The following SRP19 variants were observed in gnomAD, a reference collection of about 807,000 sequenced individuals.
SRP19 encodes the protein signal recognition particle 19, also known as signal recognition particle 19 kDa protein.
A neutral mutation model predicts 22.4 loss-of-function variants in SRP19; 11 were observed. The ratio of observed to expected loss-of-function variants is 0.49; its 90% CI spans 0.31 to 0.81. The LOEUF (loss-of-function observed/expected upper bound fraction) is 0.81, where lower values mean the gene tolerates loss of function less well. Among genes scored for constraint, SRP19 ranks in the 40% least tolerant of loss-of-function variants. The pLI, the probability that SRP19 is intolerant of heterozygous loss-of-function variation, is 0.05. For missense variants in SRP19, 168 were observed against 175.9 expected, an observed-to-expected ratio of 0.96 and a Z score of 0.25; for synonymous variants, 61 against 57.6, an observed-to-expected ratio of 1.06 and a Z score of -0.27.
At position 112,862,553 on chromosome 5, in the gene SRP19, C is replaced by A. The variant is rs747337679; in HGVS notation, c.87C>A (p.Ile29=). ...CTTATTTAAATAATAAGAAGACCAT[C>A]GCAGAGGGAAGGCGAATCCCCATAA... is the stretch of plus-strand genomic sequence containing the variant. ...YPAYLNNKKT[I]AEGRRIPISK... is the part of the protein sequence containing the mutation. Residue 29 remains isoleucine (I), a synonymous_variant, in exon 2 of 5, where the codon ATC becomes ATA. Transcript: ENST00000505459. The A allele has an allele frequency of 1.9e-6, 3 of 1,613,788 alleles. No homozygotes were observed. The African/African-American group carries it at 4.0e-5, about 22-fold the overall frequency.
chr5:112,872,792 T>C (rs112204165), downstream of SRP19, among the ~76,000 whole-genome samples: 35 of 152,332 alleles, frequency 2.3e-4, no homozygotes, highest in African/African-American at 8.4e-4. Context: ...TATTCCTCTT[T>C]TTTATGTTAC....
In SRP19 at chr5:112,868,944, A is replaced by G. The variant is rs111966770; in HGVS notation, c.*1407A>G. On this transcript the variant is annotated 3_prime_UTR_variant, in exon 5 of 5. Transcript: ENST00000505459. ...TCTGTTTTATAGTGAACATAATAGT[A>G]TAAGACTTAGTTTATATATTTGACT... The G allele has an allele frequency of 1.3e-5, 2 of 152,152 alleles. No individual in the cohort carries two copies. Among genetic ancestry groups the G allele is most frequent in the African/African-American group, 4.8e-5 (2 of 41,512 alleles). 9.4% of individuals were successfully genotyped at this position (152,152 alleles called of 1,614,324 possible). A position where few individuals can be genotyped will look rare whatever the true frequency, so the allele number is the denominator to read the frequency against.
rs551539844 is a variant in SRP19, at chr5:112,892,070, T to C, written c.*463T>C. On this transcript the variant is annotated 3_prime_UTR_variant, in exon 5 of 5. Transcript: ENST00000391338. ...GAAAAAGAGGAAGCTGTGCAGAAGA[T>C]GCTGGATCAGGCTGAAAATGATTTA... The C allele has an allele frequency of 6.9e-6, 11 of 1,590,742 alleles. No individual in the cohort carries two copies. The African/African-American group carries it at 8.0e-5, about 12-fold the overall frequency.
intron 4 of SRP19, chr5:112,865,133 C>G (rs1767547852): frequency 6.5e-6 from 1 of 154,494 alleles, no homozygotes; most frequent in African/African-American, 2.4e-5. Context: ...GCAATATTGA[C>G]TGAAAAAAGC....
chr5:112,885,117 G>T, intron 4 of SRP19: 1 of 163,108 alleles, frequency 6.1e-6, no homozygotes, highest in South Asian at 1.5e-4. Context: ...GCTTCTGTCT[G>T]GTCAGCCTGC....
intron 4 of SRP19, among the ~76,000 whole-genome samples, chr5:112,890,159 G>A (rs1768390795): frequency 6.7e-6 from 1 of 150,222 alleles, no homozygotes; most frequent in Admixed American, 6.6e-5. Context: ...GCCAGGCTTG[G>A]TGATGTATGC....
rs117894955 is a variant in SRP19 at position 112,869,771 on chromosome 5, G to A, written c.*2234G>A. On this transcript the variant is annotated 3_prime_UTR_variant, in exon 5 of 5. Transcript: ENST00000505459. ...TAAGTGCCTGGCGTTTCCCCTGCTT[G>A]CAGTCACTCCATCTTGCTGCCCTGT... is the stretch of plus-strand genomic sequence containing the variant. The A allele has an allele frequency of 1.3e-3, 203 of 152,308 alleles. 6 individuals are homozygous for A. In the East Asian group the frequency reaches 0.031, roughly 23 times the overall value. The allele number at this position is 152,308 out of a possible 1,614,324, so 9.4% of individuals were successfully genotyped here.
chr5:112,885,209 G>C (rs932514065), intron 4 of SRP19: 1 of 168,454 alleles, frequency 5.9e-6, no homozygotes, highest in Non-Finnish European at 1.3e-5. Context: ...TGAGTGCTGT[G>C]GGGGTGGGGA....
downstream of SRP19, chr5:112,893,565 C>G (rs184738074): frequency 6.5e-6 from 1 of 153,662 alleles, no homozygotes; most frequent in East Asian, 1.9e-4. Flanking sequence ...GACTCCAAAG[C>G]TTGTTTACTG....
At chr5:112,891,767 T>G (rs1561650454) in exon 5 of SRP19, 1 of 1,613,946 alleles carries the variant, frequency 6.2e-7, no homozygotes, top group Non-Finnish European at 8.5e-7. Context: ...CTTGCTCGAC[T>G]GAGAGACTCA....
intron 1 of SRP19, among the ~76,000 whole-genome samples, chr5:112,862,153 C>T (rs1014513082): frequency 6.6e-6 from 1 of 152,144 alleles, no homozygotes; most frequent in Non-Finnish European, 1.5e-5. Flanking sequence ...AAGTACACTC[C>T]ACAGGGTGGG....
intron 4 of SRP19, among the ~76,000 whole-genome samples, chr5:112,883,723 G>A (rs1025228434): frequency 2.0e-5 from 3 of 152,146 alleles, no homozygotes; most frequent in Middle Eastern, 3.4e-3. Context: ...AATCCTTGTA[G>A]GTATCTAACA....
intron 1 of SRP19, chr5:112,862,307 C>T: frequency 1.6e-6 from 1 of 622,574 alleles, no homozygotes. Flanking sequence ...AGGCCCGCGG[C>T]CAGTCTGATT....
chr5:112,867,630 G>A lies in SRP19; in HGVS notation c.*93G>A. On this transcript the variant is annotated 3_prime_UTR_variant, in exon 5 of 5. Transcript: ENST00000505459. ...GGAGGGAAACAGAAGCTTTTTGTTT[G>A]CATCATTTAACTGAACTGTGAACCC... 7.1e-7 allele frequency: 1 copy of A among 1,405,120 alleles called. No homozygotes were observed. The highest frequency in any genetic ancestry group is 1.8e-5 in the South Asian group (1 of 55,036). The allele number at this position is 1,405,120 out of a possible 1,614,324, so 87.0% of individuals were successfully genotyped here. A position where few individuals can be genotyped will look rare whatever the true frequency, so the allele number is the denominator to read the frequency against.
rs540219600 is a variant in SRP19 at position 112,878,769 on chromosome 5, T to C, written c.302-12834T>C. 1.9e-6 allele frequency: 3 copies of C among 1,614,046 alleles called. No homozygotes were observed. The South Asian group carries it at 3.3e-5, about 18-fold the overall frequency. On this transcript the variant is annotated intron_variant, in intron 4 of 4. Coordinates refer to the SRP19 transcript ENST00000391338. Reference sequence around the variant, plus strand: ...AGGAAGGTACAGAGAGGGCAGGAAGTTTCCATCCAGTCTGGTTTAGGTGCT... The same window carrying C: ...AGGAAGGTACAGAGAGGGCAGGAAGCTTCCATCCAGTCTGGTTTAGGTGCT...
intron 4 of SRP19, among the ~76,000 whole-genome samples, chr5:112,887,417 A>G (rs1000948532): frequency 3.9e-5 from 6 of 152,242 alleles, no homozygotes; most frequent in African/African-American, 7.2e-5. Flanking sequence ...AAAACACACC[A>G]GGTCCAGGAG....
chr5:112,893,133 G>A, downstream of SRP19: 1 of 852,576 alleles, frequency 1.2e-6, no homozygotes, highest in East Asian at 3.0e-5. Context: ...GACCAGGCCA[G>A]GTATAGTGGC....
At chr5:112,873,266 G>GTTTTTTTTTTTTTTT (rs368480211), downstream of SRP19, among the ~76,000 whole-genome samples, 1 of 32,908 alleles carries the variant, frequency 3.0e-5, no homozygotes, top group Non-Finnish European at 5.3e-5. Context: ...TGATCCTCAG[G>GTTTTTTTTTTTTTTT]TTTTCTTTTT....
rs906907902 is a variant in SRP19, at chr5:112,869,143, A to G, written c.*1606A>G. The stretch of plus-strand genomic sequence containing the variant: ...ATTTTTGCCTCATATGTTAAATCCA[A>G]GTGAGGTTGCTGTGGTGGTTGGTTT... On this transcript the variant is annotated 3_prime_UTR_variant, in exon 5 of 5. Transcript: ENST00000505459. The G allele has an allele frequency of 1.2e-4, 19 of 152,228 alleles. No individual in the cohort carries two copies. The highest frequency in any genetic ancestry group is 4.1e-4 in the African/African-American group (17 of 41,446). The allele number at this position is 152,228 out of a possible 1,614,324, so 9.4% of individuals were successfully genotyped here. A position where few individuals can be genotyped will look rare whatever the true frequency, so the allele number is the denominator to read the frequency against.
Sources: gnomAD v4.1 joint callset for allele counts (sites outside exome capture counted in the v4.1 genomes callset) on GRCh38, gnomAD v4.1.1 for gene constraint, MANE v1.5 for transcripts, NCBI Gene and HGNC (gene_info 2026-07-23, HGNC 2026-07-21) for gene names.